The following SORCS2 variants were observed in gnomAD, a reference collection of about 807,000 sequenced individuals.
SORCS2 encodes sortilin related VPS10 domain containing receptor 2, also known as VPS10 domain-containing receptor SorCS2.
SORCS2 carries 100 observed loss-of-function variants against 141.6 expected under a neutral mutation model. That is an observed-to-expected ratio of 0.71 (90% CI 0.60 to 0.83). The LOEUF is 0.83. Ranked by LOEUF, SORCS2 falls within the 40% of genes least tolerant of loss-of-function variation. The pLI, the probability that SORCS2 is intolerant of heterozygous loss-of-function variation, is 0.00. For synonymous variants in SORCS2, 789 were observed against 676.9 expected, an observed-to-expected ratio of 1.17 and a Z score of -2.57; for missense variants, 1,646 against 1,560.2, an observed-to-expected ratio of 1.05 and a Z score of -0.93.
intron 2 of SORCS2, among the ~76,000 whole-genome samples, chr4:7,425,309 C>G (rs1017565150): frequency 1.3e-5 from 2 of 152,198 alleles, no homozygotes; most frequent in African/African-American, 4.8e-5. Context: ...CTCTCTGTCT[C>G]CACAGCCGCA....
intron 1 of SORCS2, among the ~76,000 whole-genome samples, chr4:7,218,172 G>A (rs1466223560): frequency 1.3e-5 from 2 of 152,138 alleles, no homozygotes; most frequent in Admixed American, 1.3e-4. Context: ...CGAGTAGAAG[G>A]TCAGATTGAG....
intron 2 of SORCS2, among the ~76,000 whole-genome samples, chr4:7,457,534 G>T (rs141001367): frequency 9.3e-5 from 14 of 151,254 alleles, no homozygotes; most frequent in Non-Finnish European, 1.6e-4. Context: ...ACCAGGGAGC[G>T]TGCCCCAGTG....
At chr4:7,672,184 C>T (rs1482288735) in intron 8 of SORCS2, among the ~76,000 whole-genome samples, 1 of 152,132 alleles carries the variant, frequency 6.6e-6, no homozygotes, top group African/African-American at 2.4e-5. Context: ...CTCAAGTGAT[C>T]CACCTGCCTC....
chr4:7,422,115 G>A (rs11731502), intron 2 of SORCS2, among the ~76,000 whole-genome samples: 29,570 of 152,140 alleles, frequency 0.19, 3,167 homozygotes, highest in Non-Finnish European at 0.23. Flanking sequence ...CATCTTGTAC[G>A]GGTTAATCGT....
intron 1 of SORCS2, among the ~76,000 whole-genome samples, chr4:7,315,035 A>G (rs11726185): frequency 0.82 from 125,215 of 151,988 alleles, 52,010 homozygotes; most frequent in South Asian, 0.88. Flanking sequence ...GTTTCATTAT[A>G]TTGGCCAGGC....
At chr4:7,719,828 CA>C (rs1726459070) in intron 18 of SORCS2, among the ~76,000 whole-genome samples, 1 of 152,218 alleles carries the variant, frequency 6.6e-6, no homozygotes, top group African/African-American at 2.4e-5. Context: ...TACCACCGCC[CA>C]GGGGGCCGGG....
chr4:7,216,001 G>C (rs1728328221), intron 1 of SORCS2, among the ~76,000 whole-genome samples: 1 of 151,928 alleles, frequency 6.6e-6, no homozygotes, highest in South Asian at 2.1e-4. Context: ...TGGAAGCTTT[G>C]TTCTTTCGCT....
intron 1 of SORCS2, among the ~76,000 whole-genome samples, chr4:7,393,331 C>A (rs1723984839): frequency 1.3e-5 from 2 of 152,092 alleles, no homozygotes; most frequent in Admixed American, 6.5e-5. Flanking sequence ...CAAAGAGCCC[C>A]AAGGCTAACA....
At chr4:7,589,417 T>C (rs1039550260) in intron 3 of SORCS2, among the ~76,000 whole-genome samples, 3 of 151,962 alleles carry the variant, frequency 2.0e-5, no homozygotes, top group Non-Finnish European at 2.9e-5. Flanking sequence ...GTTTGTTTTG[T>C]TTTGAGACAG....
intron 1 of SORCS2, among the ~76,000 whole-genome samples, chr4:7,237,770 T>A (rs985676166): frequency 6.6e-6 from 1 of 151,990 alleles, no homozygotes; most frequent in Non-Finnish European, 1.5e-5. Flanking sequence ...TTGACAAAGC[T>A]CTTTGGAACA....
At chr4:7,602,360 G>C (rs1320972635) in intron 3 of SORCS2, among the ~76,000 whole-genome samples, 1 of 151,586 alleles carries the variant, frequency 6.6e-6, no homozygotes, top group African/African-American at 2.4e-5. Flanking sequence ...CTTCCCAGAC[G>C]GGGCGGCTGC....
At chr4:7,731,668 G>A (rs576214109) in intron 23 of SORCS2, among the ~76,000 whole-genome samples, 86 of 152,178 alleles carry the variant, frequency 5.7e-4, no homozygotes, top group Non-Finnish European at 8.4e-4. Flanking sequence ...ATACATGTAC[G>A]GTCAATTGAT....
intron 2 of SORCS2, among the ~76,000 whole-genome samples, chr4:7,497,785 G>A (rs1217465606): frequency 6.6e-6 from 1 of 152,284 alleles, no homozygotes; most frequent in Non-Finnish European, 1.5e-5. Flanking sequence ...TCCCTTGTGG[G>A]AGAACCAGGC....
intron 11 of SORCS2, among the ~76,000 whole-genome samples, chr4:7,691,508 G>A (rs1248914016): frequency 1.3e-5 from 2 of 152,134 alleles, no homozygotes; most frequent in Non-Finnish European, 2.9e-5. Flanking sequence ...GGGAAGGGAG[G>A]GGATTGTGAA....
chr4:7,280,686 T>C (rs1715817947), intron 1 of SORCS2, among the ~76,000 whole-genome samples: 1 of 152,236 alleles, frequency 6.6e-6, no homozygotes, highest in Admixed American at 6.5e-5. Flanking sequence ...ATGACAGTTC[T>C]TTTTGCTCCG....
At chr4:7,468,957 T>C (rs1729797396) in intron 2 of SORCS2, among the ~76,000 whole-genome samples, 1 of 152,240 alleles carries the variant, frequency 6.6e-6, no homozygotes, top group African/African-American at 2.4e-5. Context: ...AACTGCAATG[T>C]GCTCATTTGT....
At chr4:7,711,874 A>C (rs1725843855) in intron 14 of SORCS2, among the ~76,000 whole-genome samples, 1 of 152,128 alleles carries the variant, frequency 6.6e-6, no homozygotes, top group Non-Finnish European at 1.5e-5. Flanking sequence ...AGAAGTCTTC[A>C]GGGAATCCCC....
chr4:7,221,377 T>A (rs1367044681), intron 1 of SORCS2, among the ~76,000 whole-genome samples: 1 of 152,196 alleles, frequency 6.6e-6, no homozygotes, highest in African/African-American at 2.4e-5. Flanking sequence ...GGGTATTACA[T>A]GCATATGTCC....
intron 1 of SORCS2, among the ~76,000 whole-genome samples, chr4:7,214,662 C>T (rs1728221353): frequency 6.6e-6 from 1 of 152,208 alleles, no homozygotes; most frequent in Non-Finnish European, 1.5e-5. Context: ...TCACTGTGTT[C>T]CAGCTGGGAT....
Sources: allele counts gnomAD v4.1 joint callset (sites outside exome capture counted in the v4.1 genomes callset), GRCh38; gene constraint gnomAD v4.1.1; transcripts MANE v1.5; gene names NCBI Gene and HGNC (gene_info 2026-07-23, HGNC 2026-07-21).